TMEM132D: variants seen among roughly 807,000 people sequenced by gnomAD.
TMEM132D encodes transmembrane protein 132D.
In TMEM132D, 21 loss-of-function variants were observed where a neutral mutation model predicts 62.3. The observed-to-expected ratio is 0.34, with a 90% CI of 0.24 to 0.49. The LOEUF (loss-of-function observed/expected upper bound fraction) is 0.49. Among genes scored for constraint, TMEM132D ranks in the 20% least tolerant of loss-of-function variants. The pLI, the probability that TMEM132D is intolerant of heterozygous loss-of-function variation, is 0.99. For missense variants in TMEM132D, 1,346 were observed against 1,402.8 expected (o/e 0.96, Z 0.65); for synonymous variants, 621 against 575.6 (o/e 1.08, Z -1.13).
chr12:129,588,327 G>A (rs985844896), intron 2 of TMEM132D, among the ~76,000 whole-genome samples: 2 of 152,190 alleles, frequency 1.3e-5, no homozygotes, highest in Admixed American at 6.5e-5. Context: ...TAACCAGCAT[G>A]ACTCACTTGT....
intron 4 of TMEM132D, among the ~76,000 whole-genome samples, chr12:129,331,743 T>C (rs1869111633): frequency 6.6e-6 from 1 of 152,214 alleles, no homozygotes; most frequent in East Asian, 1.9e-4. Context: ...ATTGATAAAG[T>C]ATATACCTAT....
chr12:129,761,773 T>C (rs905686494), intron 1 of TMEM132D, among the ~76,000 whole-genome samples: 1 of 152,134 alleles, frequency 6.6e-6, no homozygotes, highest in African/African-American at 2.4e-5. Flanking sequence ...CCAACTTCTG[T>C]TGGAAGCTAC....
chr12:129,191,410 G>A (rs1878398346), intron 5 of TMEM132D, among the ~76,000 whole-genome samples: 1 of 150,496 alleles, frequency 6.6e-6, no homozygotes, highest in Non-Finnish European at 1.5e-5. Flanking sequence ...ACAGAATAGA[G>A]AGATCTATAT....
At chr12:129,785,255 G>A (rs1192210641) in intron 1 of TMEM132D, among the ~76,000 whole-genome samples, 1 of 152,060 alleles carries the variant, frequency 6.6e-6, no homozygotes, top group Non-Finnish European at 1.5e-5. Context: ...GTCATCCTCA[G>A]CCTGATGTAC....
At chr12:129,177,200 T>G (rs1294937085) in intron 5 of TMEM132D, among the ~76,000 whole-genome samples, 1 of 152,236 alleles carries the variant, frequency 6.6e-6, no homozygotes, top group East Asian at 1.9e-4. Flanking sequence ...ACTTAGATTT[T>G]GAAGTCAGTG....
chr12:129,826,295 C>A (rs769340878), intron 1 of TMEM132D, among the ~76,000 whole-genome samples: 1 of 152,174 alleles, frequency 6.6e-6, no homozygotes, highest in Non-Finnish European at 1.5e-5. Context: ...GCTGAGCACA[C>A]AGCGTGGGTG....
intron 4 of TMEM132D, among the ~76,000 whole-genome samples, chr12:129,239,160 T>C (rs1879867612): frequency 1.3e-5 from 2 of 152,206 alleles, no homozygotes; most frequent in Non-Finnish European, 2.9e-5. Context: ...CTGTTCATGT[T>C]CTTTGCTCAT....
chr12:129,366,116 T>C (rs969036579), intron 3 of TMEM132D, among the ~76,000 whole-genome samples: 3 of 151,648 alleles, frequency 2.0e-5, no homozygotes, highest in African/African-American at 7.3e-5. Flanking sequence ...ATTCTTAAAA[T>C]AAAAAAAACA....
At chr12:129,248,429 A>G (rs1048931620) in intron 4 of TMEM132D, among the ~76,000 whole-genome samples, 3 of 152,234 alleles carry the variant, frequency 2.0e-5, no homozygotes, top group Non-Finnish European at 4.4e-5. Flanking sequence ...AATCCAATGC[A>G]TAACATCCTG....
chr12:129,446,605 G>C (rs923814798), intron 3 of TMEM132D, among the ~76,000 whole-genome samples: 1 of 152,156 alleles, frequency 6.6e-6, no homozygotes, highest in African/African-American at 2.4e-5. Flanking sequence ...TGCTCTTGAA[G>C]ATCTCAGTCC....
At chr12:129,518,042 A>G (rs915198510) in intron 3 of TMEM132D, among the ~76,000 whole-genome samples, 5 of 152,324 alleles carry the variant, frequency 3.3e-5, no homozygotes, top group Admixed American at 3.3e-4. Flanking sequence ...ATTGATGAAT[A>G]TAACTACAAG....
At chr12:129,142,010 T>C (rs1167389978) in intron 5 of TMEM132D, among the ~76,000 whole-genome samples, 2 of 147,718 alleles carry the variant, frequency 1.4e-5, no homozygotes, top group African/African-American at 4.9e-5. Context: ...TAAATATATA[T>C]ATAAATATAT....
intron 3 of TMEM132D, among the ~76,000 whole-genome samples, chr12:129,449,174 A>G (rs1438745328): frequency 6.6e-6 from 1 of 152,224 alleles, no homozygotes; most frequent in African/African-American, 2.4e-5. Flanking sequence ...GGAGCTCCAG[A>G]GTTCAAATGT....
chr12:129,627,912 AGG>A (rs199870360), intron 2 of TMEM132D, among the ~76,000 whole-genome samples: 8 of 152,000 alleles, frequency 5.3e-5, no homozygotes, highest in Non-Finnish European at 8.8e-5. Flanking sequence ...GCTTGAGCCC[AGG>A]GGGTCAAGGC....
At chr12:129,813,625 TA>T (rs1593172053) in intron 1 of TMEM132D, among the ~76,000 whole-genome samples, 1 of 148,774 alleles carries the variant, frequency 6.7e-6, no homozygotes, top group Non-Finnish European at 1.5e-5. Flanking sequence ...TATATATATA[TA>T]TATATTTTCA....
intron 3 of TMEM132D, among the ~76,000 whole-genome samples, chr12:129,416,923 T>C (rs903495267): frequency 3.3e-5 from 5 of 152,216 alleles, no homozygotes; most frequent in African/African-American, 9.7e-5. Context: ...AGCTGTTTGA[T>C]GTGCTGCTGG....
At chr12:129,217,311 A>T (rs1879233013) in intron 4 of TMEM132D, among the ~76,000 whole-genome samples, 1 of 152,184 alleles carries the variant, frequency 6.6e-6, no homozygotes, top group Non-Finnish European at 1.5e-5. Flanking sequence ...ACAGAAAACA[A>T]CATACCACAT....
At chr12:129,427,738 A>T (rs932749823) in intron 3 of TMEM132D, among the ~76,000 whole-genome samples, 3 of 152,100 alleles carry the variant, frequency 2.0e-5, no homozygotes, top group Admixed American at 6.5e-5. Context: ...GGAAAATTAA[A>T]AAAAAACAAA....
intron 3 of TMEM132D, among the ~76,000 whole-genome samples, 178 bp downstream of exon 3, chr12:129,530,881 G>T (rs1876197243): frequency 6.6e-6 from 1 of 151,396 alleles, no homozygotes; most frequent in Admixed American, 6.6e-5. Context: ...GTGAATAACA[G>T]CCCACCTTTC....
Sources: gnomAD v4.1 joint callset for allele counts (sites outside exome capture counted in the v4.1 genomes callset) on GRCh38, gnomAD v4.1.1 for gene constraint, MANE v1.5 for transcripts, NCBI Gene and HGNC (gene_info 2026-07-23, HGNC 2026-07-21) for gene names.